THSD4: variants seen among roughly 807,000 people sequenced by gnomAD.
The protein encoded by THSD4 is thrombospondin type-1 domain-containing protein 4.
Under a neutral mutation model 119.0 loss-of-function variants are expected in THSD4, and 69 were observed. That is an observed-to-expected ratio of 0.58 (90% CI 0.48 to 0.71). THSD4 has a LOEUF of 0.71. Among genes scored for constraint, THSD4 ranks in the 30% least tolerant of loss-of-function variants. THSD4 has a pLI of 0.00. For missense variants in THSD4, 1,393 were observed against 1,391.1 expected (o/e 1.00, Z -0.02); for synonymous variants, 524 against 540.4 (o/e 0.97, Z 0.42).
intron 1 of THSD4, among the ~76,000 whole-genome samples, chr15:71,119,457 G>A (rs754892921): frequency 6.6e-6 from 1 of 152,132 alleles, no homozygotes; most frequent in Non-Finnish European, 1.5e-5. Context: ...TTTATCCCAG[G>A]CAGCATGTTC....
At chr15:71,393,460 A>G (rs756437468) in intron 6 of THSD4, among the ~76,000 whole-genome samples, 5 of 151,966 alleles carry the variant, frequency 3.3e-5, no homozygotes, top group Non-Finnish European at 5.9e-5. Context: ...CCAGGGAGAG[A>G]GGTGAGCCTT....
chr15:71,612,258 A>G (rs1240174934), intron 7 of THSD4, among the ~76,000 whole-genome samples: 2 of 152,192 alleles, frequency 1.3e-5, no homozygotes, highest in Admixed American at 1.3e-4. Flanking sequence ...GCCTTTTGTA[A>G]AAGATGTAAT....
At chr15:71,124,585 T>C (rs1444964090) in intron 1 of THSD4, among the ~76,000 whole-genome samples, 4 of 152,206 alleles carry the variant, frequency 2.6e-5, no homozygotes. Flanking sequence ...ATTGGGGTAT[T>C]TATCAGCTTG....
chr15:71,391,398 G>A (rs1432102686), intron 6 of THSD4, among the ~76,000 whole-genome samples: 1 of 152,112 alleles, frequency 6.6e-6, no homozygotes, highest in Non-Finnish European at 1.5e-5. Context: ...GGCTGGTCTT[G>A]AGCTGCAAGC....
At chr15:71,720,243 G>T (rs1364285203) in intron 8 of THSD4, among the ~76,000 whole-genome samples, 5 of 151,274 alleles carry the variant, frequency 3.3e-5, no homozygotes, top group Non-Finnish European at 7.4e-5. Context: ...TAGAGACAAG[G>T]TCTCCCTATG....
intron 7 of THSD4, among the ~76,000 whole-genome samples, chr15:71,616,463 C>T (rs1236915232): frequency 6.6e-6 from 1 of 152,108 alleles, no homozygotes; most frequent in African/African-American, 2.4e-5. Flanking sequence ...TATAGGGTTC[C>T]AATCCAAAGA....
At chr15:71,462,194 C>G (rs1381738688) in intron 7 of THSD4, among the ~76,000 whole-genome samples, 2 of 152,194 alleles carry the variant, frequency 1.3e-5, no homozygotes, top group African/African-American at 4.8e-5. Flanking sequence ...CAGGGTCTCA[C>G]TCTGTCACCC....
rs557922446 is a variant in THSD4, at chr15:71,220,717, G to A, written c.464+5318G>A. On this transcript the variant is annotated intron_variant, in intron 4 of 17. Transcript: ENST00000261862. Reference sequence around the variant, plus strand: ...CAGTTAGAACTCAAGTGCAGCAGAAGGGATCAGGTGAACTAGGGCCACTCA... The same window carrying A: ...CAGTTAGAACTCAAGTGCAGCAGAAAGGATCAGGTGAACTAGGGCCACTCA... Among the ~76,000 whole-genome samples, 113 of 152,306 alleles carry A rather than the reference G, an allele frequency of 7.4e-4. 1 individual carries two copies. The highest frequency in any genetic ancestry group is 2.5e-3 in the African/African-American group (103 of 41,572).
At chr15:71,244,451 A>G (rs2044182061) in intron 5 of THSD4, among the ~76,000 whole-genome samples, 2 of 152,230 alleles carry the variant, frequency 1.3e-5, no homozygotes, top group Admixed American at 6.5e-5. Flanking sequence ...TATAGAGTCC[A>G]TAGAAATGAC....
intron 6 of THSD4, among the ~76,000 whole-genome samples, chr15:71,392,475 C>G (rs1053742441): frequency 2.0e-5 from 3 of 152,202 alleles, no homozygotes; most frequent in Non-Finnish European, 4.4e-5. Context: ...CAGATTCAAA[C>G]CCAGGTAAGG....
Position 71,242,843 on chromosome 15 carries a change from A to C in THSD4, c.659A>C (p.Gln220Pro), listed in dbSNP as rs763338833. 2 of 1,614,206 alleles carry C rather than the reference A, an allele frequency of 1.2e-6. No individual in the cohort carries two copies. Among genetic ancestry groups the C allele is most frequent in the Non-Finnish European group, 1.7e-6 (2 of 1,180,044 alleles). The change falls in exon 5 of 18, where the codon CAA becomes CCA. Residue 220 changes from glutamine to proline, a missense_variant. Coordinates refer to ENST00000261862, the MANE Select transcript of THSD4 (RefSeq NM_024817.3). ...AGTTCACCAGCCCACCAGGTCCCCC[A>C]ACATGGGCCTTTGTACCAAAGTGAC... Reference protein sequence around the residue: ...GYSSPAHQVPQHGPLYQSDSG... With the variant: ...GYSSPAHQVPPHGPLYQSDSG...
At chr15:71,734,536 G>A (rs116767060) in intron 10 of THSD4, among the ~76,000 whole-genome samples, 1,586 of 152,232 alleles carry the variant, frequency 0.01, 36 homozygotes, top group African/African-American at 0.035. Flanking sequence ...ATTTCAGGGC[G>A]GTGAAACTAC....
At chr15:71,265,769 G>T (rs1042010242) in intron 6 of THSD4, among the ~76,000 whole-genome samples, 2 of 152,184 alleles carry the variant, frequency 1.3e-5, no homozygotes, top group East Asian at 3.9e-4. Context: ...GCTTTGTGGG[G>T]GGGGAGGGGC....
In THSD4 at chr15:71,589,852, T is replaced by C. The variant is rs1203898199; in HGVS notation, c.1153-70678T>C. Among the ~76,000 whole-genome samples the C allele has an allele frequency of 1.4e-5, 2 of 139,226 alleles. 1 individual carries two copies. Among genetic ancestry groups the C allele is most frequent in the East Asian group, 4.2e-4 (2 of 4,818 alleles). 91.3% of individuals were successfully genotyped at this position (139,226 alleles called of 152,430 possible). A position where few individuals can be genotyped will look rare whatever the true frequency, so the allele number is the denominator to read the frequency against. ...AAATAAGTTGTGGCTATGCATGTAA[T>C]GAAGTACAGAGTAACACTTTAAAAA... is the stretch of plus-strand genomic sequence containing the variant. On this transcript the variant is annotated intron_variant, in intron 7 of 17. Transcript: ENST00000261862.
At chr15:71,258,435 T>C (rs958133227) in intron 6 of THSD4, among the ~76,000 whole-genome samples, 1 of 152,150 alleles carries the variant, frequency 6.6e-6, no homozygotes, top group Non-Finnish European at 1.5e-5. Context: ...CGCCTCAGCC[T>C]CCCAAAGTAC....
At chr15:71,711,097 A>ATATATATATATGTATATATATATACG (rs1567113211) in intron 8 of THSD4, among the ~76,000 whole-genome samples, 59 of 145,858 alleles carry the variant, frequency 4.0e-4, no homozygotes, top group African/African-American at 1.4e-3. Flanking sequence ...ATATATATAC[A>ATATATATATATGTATATATATATACG]TATATATATA....
At chr15:71,112,927 T>A (rs538381777), upstream of THSD4, among the ~76,000 whole-genome samples, 1 of 152,330 alleles carries the variant, frequency 6.6e-6, no homozygotes, top group South Asian at 2.1e-4. Context: ...GCCTGTAATC[T>A]CAGCACTTTG....
At position 71,318,845 on chromosome 15, in the gene THSD4, G is replaced by T. The variant is rs1162220613; in HGVS notation, c.1015+62130G>T. On this transcript the variant is annotated intron_variant, in intron 6 of 17. Coordinates refer to ENST00000261862, the MANE Select transcript of THSD4 (RefSeq NM_024817.3). ...CCTGAGAGGCAGGAGGGCTGGGGAG[G>T]CAGAGTACAGCAGTGGAGAGAACAC... Among the ~76,000 whole-genome samples, 16 of 152,322 alleles carry T rather than the reference G, an allele frequency of 1.1e-4. No homozygotes were observed. The East Asian group carries it at 3.1e-3, about 29-fold the overall frequency.
At chr15:71,233,106 C>T (rs1213173649) in intron 4 of THSD4, among the ~76,000 whole-genome samples, 1 of 152,214 alleles carries the variant, frequency 6.6e-6, no homozygotes, top group Non-Finnish European at 1.5e-5. Flanking sequence ...CTGTGCTGAT[C>T]TAAAATCTTT....
Sources: allele counts gnomAD v4.1 joint callset (sites outside exome capture counted in the v4.1 genomes callset), GRCh38; gene constraint gnomAD v4.1.1; transcripts MANE v1.5; gene names NCBI Gene and HGNC (gene_info 2026-07-23, HGNC 2026-07-21).